The following TTYH1 variants were observed in gnomAD, a reference collection of about 807,000 sequenced individuals.
TTYH1 encodes tweety family member 1.
In TTYH1, 33 loss-of-function variants were observed where a neutral mutation model predicts 61.2. That is an observed-to-expected ratio of 0.54 (90% CI 0.41 to 0.72). The LOEUF (loss-of-function observed/expected upper bound fraction) is 0.72, where lower values mean the gene tolerates loss of function less well. TTYH1 is among the 30% of genes least tolerant of loss of function. TTYH1 has a pLI of 0.00. For synonymous variants in TTYH1, 308 were observed against 266.4 expected (o/e 1.16, Z -1.52); for missense variants, 538 against 575.8 (o/e 0.93, Z 0.67).
At position 54,429,096 on chromosome 19, in the gene TTYH1, C is replaced by G. The variant is rs1382269230; in HGVS notation, c.735-211C>G. Among the ~76,000 whole-genome samples the G allele has an allele frequency of 3.3e-5, 5 of 152,180 alleles. No individual in the cohort carries two copies. Among genetic ancestry groups the G allele is most frequent in the Admixed American group, 3.3e-4 (5 of 15,272 alleles). On this transcript the variant is annotated intron_variant, in intron 5 of 13. Coordinates refer to ENST00000376530, the MANE Select transcript of TTYH1 (RefSeq NM_020659.4). The surrounding 1 kb of genome is among the most constrained non-coding windows in gnomAD (Gnocchi z 5.1). Reference sequence around the variant, plus strand: ...CAGGGCCCTGCTCATACCCCACACCCTGCTCATCTGGGCAGGAGCCAGATG... The same window carrying G: ...CAGGGCCCTGCTCATACCCCACACCGTGCTCATCTGGGCAGGAGCCAGATG...
chr19:54,436,633 G>A lies in TTYH1; in HGVS notation c.*343G>A, dbSNP rs2083559161. On this transcript the variant is annotated 3_prime_UTR_variant, in exon 14 of 14. Transcript: ENST00000376530. This position sits in a 1 kb window ranked among gnomAD's most constrained non-coding sequence, Gnocchi z 4.3. Reference sequence around the variant, plus strand: ...CCCCTGCTGCCCCTGCCACATCCCAGTGGGCTCTGACCCCCTGATCTCAAC... The same window carrying A: ...CCCCTGCTGCCCCTGCCACATCCCAATGGGCTCTGACCCCCTGATCTCAAC... 8.8e-6 allele frequency: 5 copies of A among 571,166 alleles called. No homozygotes were observed. The East Asian group carries it at 1.4e-4, about 16-fold the overall frequency. 35.4% of individuals were successfully genotyped at this position (571,166 alleles called of 1,614,324 possible). A position where few individuals can be genotyped will look rare whatever the true frequency, so the allele number is the denominator to read the frequency against.
rs376196081 is a variant in TTYH1, at chr19:54,429,299, C to T, written c.735-8C>T. On this transcript the variant is annotated splice_polypyrimidine_tract_variant and splice_region_variant and intron_variant, in intron 5 of 13. Transcript: ENST00000376530. The surrounding 1 kb of genome is among the most constrained non-coding windows in gnomAD (Gnocchi z 5.1). ...AACCCCGGGCTGATCCTCCCTCCCC[C>T]ACTCTAGGATGACAGTCATGAGTCT... The T allele has an allele frequency of 6.2e-6, 10 of 1,613,808 alleles. No individual in the cohort carries two copies. The African/African-American group carries it at 9.3e-5, about 15-fold the overall frequency.
rs368801289 is a variant in TTYH1, at chr19:54,430,499, C to T, written c.884-51C>T. The T allele has an allele frequency of 4.1e-5, 66 of 1,597,524 alleles. No individual in the cohort carries two copies. The Admixed American group carries it at 5.0e-4, about 12-fold the overall frequency. ...AGTGCCCGGCCTTCCCCCGGGAGAT[C>T]CCTGGGGGCCCAGGCTCATGGCCTC... On this transcript the variant is annotated intron_variant, in intron 7 of 13. Coordinates refer to ENST00000376530, the MANE Select transcript of TTYH1 (RefSeq NM_020659.4).
rs1430021710 is a variant in TTYH1 at position 54,419,190 on chromosome 19, T to G, written c.189T>G (p.Ala63=). 1 of 1,612,976 alleles carries G rather than the reference T, an allele frequency of 6.2e-7. No homozygotes were observed. Among genetic ancestry groups the G allele is most frequent in the African/African-American group, 1.3e-5 (1 of 75,040 alleles). ...LGLGLSLIFI[A]VYLIRFCCCR... ...TGGGCCTGAGCCTCATTTTCATCGCTGTCTACCTCATCCGCTTCTGCTGCT... is the reference window on the plus strand; with the variant it reads ...TGGGCCTGAGCCTCATTTTCATCGCGGTCTACCTCATCCGCTTCTGCTGCT... Residue 63 remains alanine (A), a synonymous_variant, in exon 2 of 14, where the codon GCT becomes GCG. Coordinates refer to ENST00000376530, the MANE Select transcript of TTYH1 (RefSeq NM_020659.4). This position sits in a 1 kb window ranked among gnomAD's most constrained non-coding sequence, Gnocchi z 6.1.
chr19:54,420,169 C>T lies in TTYH1; in HGVS notation c.305+863C>T, dbSNP rs1401586788. Among the ~76,000 whole-genome samples, 1 of 152,206 alleles carries T rather than the reference C, an allele frequency of 6.6e-6. No homozygotes were observed. Among genetic ancestry groups the T allele is most frequent in the Non-Finnish European group, 1.5e-5 (1 of 68,042 alleles). Reference sequence around the variant, plus strand: ...AGCTACCAAGAACGAGCTCTGAGCACAGCCCCCTCCCCGGCAGGGCAGCAC... The same window carrying T: ...AGCTACCAAGAACGAGCTCTGAGCATAGCCCCCTCCCCGGCAGGGCAGCAC... On this transcript the variant is annotated intron_variant, in intron 2 of 13. Coordinates refer to ENST00000376530, the MANE Select transcript of TTYH1 (RefSeq NM_020659.4). This position sits in a 1 kb window ranked among gnomAD's most constrained non-coding sequence, Gnocchi z 4.8.
Position 54,436,258 on chromosome 19 carries a change from G to C in TTYH1, c.*43-75G>C. On this transcript the variant is annotated intron_variant, in intron 13 of 13. Transcript: ENST00000376530. This position sits in a 1 kb window ranked among gnomAD's most constrained non-coding sequence, Gnocchi z 4.3. ...GAGCTGCTCCAGGCATGGGCTGCGT[G>C]CCTCCTGCTGGGTGGATCGCACCGG... 6.2e-7 allele frequency: 1 copy of C among 1,608,556 alleles called. No individual in the cohort carries two copies. Among genetic ancestry groups the C allele is most frequent in the Non-Finnish European group, 8.5e-7 (1 of 1,175,412 alleles).
intron 5 of TTYH1, among the ~76,000 whole-genome samples, chr19:54,427,869 C>T (rs2083360189): frequency 6.6e-6 from 1 of 152,138 alleles, no homozygotes; most frequent in Admixed American, 6.6e-5. Context: ...CCTGGAGCAC[C>T]TCATGCCCCC....
At position 54,421,397 on chromosome 19, in the gene TTYH1, C is replaced by A. The variant is rs376844750; in HGVS notation, c.417+9C>A. Reference sequence around the variant, plus strand: ...GCACCATTGACCACCTGGTGAGGGGCCAGCAACCAGTGGGACCCCAGACCC... The same window carrying A: ...GCACCATTGACCACCTGGTGAGGGGACAGCAACCAGTGGGACCCCAGACCC... On this transcript the variant is annotated intron_variant, in intron 3 of 13. Coordinates refer to ENST00000376530, the MANE Select transcript of TTYH1 (RefSeq NM_020659.4). The surrounding 1 kb of genome is among the most constrained non-coding windows in gnomAD (Gnocchi z 4.8). 256 of 1,594,258 alleles carry A rather than the reference C, an allele frequency of 1.6e-4. No individual in the cohort carries two copies. In the African/African-American group the frequency reaches 3.1e-3, roughly 20 times the overall value.
At chr19:54,431,028 CG>C (rs375960303) in intron 9 of TTYH1, 70 bp from the exon 10 acceptor site, 3 of 1,431,400 alleles carry the variant, frequency 2.1e-6, no homozygotes, top group African/African-American at 3.6e-5. Flanking sequence ...TGGGCGGGGA[CG>C]CAGGGCGGGG....
Position 54,420,505 on chromosome 19 carries a change from C to T in TTYH1, c.306-772C>T, listed in dbSNP as rs973654883. 1.3e-5 allele frequency among the ~76,000 whole-genome samples: 2 copies of T among 151,452 alleles called. No homozygotes were observed. The highest frequency in any genetic ancestry group is 4.9e-5 in the African/African-American group (2 of 41,180). ...TGGAGGCCCAGCCGGGGCTGGGAAC[C>T]GGGAGGGTGTCAGGCTCCCGCCCCC... On this transcript the variant is annotated intron_variant, in intron 2 of 13. Coordinates refer to ENST00000376530, the MANE Select transcript of TTYH1 (RefSeq NM_020659.4). This position sits in a 1 kb window ranked among gnomAD's most constrained non-coding sequence, Gnocchi z 4.8.
chr19:54,416,229 G>A lies in TTYH1; in HGVS notation c.126+551G>A, dbSNP rs1168538294. On this transcript the variant is annotated intron_variant, in intron 1 of 13. Coordinates refer to ENST00000376530, the MANE Select transcript of TTYH1 (RefSeq NM_020659.4). The surrounding 1 kb of genome is among the most constrained non-coding windows in gnomAD (Gnocchi z 7.0). ...AGGGCTGGAAAATGAAGGGGCTCTGGGAGAGGAAGCTTCTTGCCCGTCCCA... is the reference window on the plus strand; with the variant it reads ...AGGGCTGGAAAATGAAGGGGCTCTGAGAGAGGAAGCTTCTTGCCCGTCCCA... 1.2e-5 allele frequency: 5 copies of A among 411,678 alleles called. No homozygotes were observed. The highest frequency in any genetic ancestry group is 1.1e-4 in the African/African-American group (5 of 47,464). The allele number at this position is 411,678 out of a possible 1,614,324, so 25.5% of individuals were successfully genotyped here.
chr19:54,435,504 G>C (rs1409896655), intron 10 of TTYH1, 38 bp from the exon 11 acceptor site: 3 of 1,557,246 alleles, frequency 1.9e-6, no homozygotes, highest in African/African-American at 1.4e-5. Flanking sequence ...ATGGGGGAGG[G>C]GGTGGGGACG....
In TTYH1 at chr19:54,430,911, TG is replaced by T. The variant is rs1437597083; in HGVS notation, c.1032+9del. On this transcript the variant is annotated splice_region_variant and intron_variant, in intron 9 of 13. Transcript: ENST00000376530. ...CTCAGTTCCCTTCAGCGCAGGTCGG[TG>T]GGTGGGCGCTCCCCAGACACGCGGA... 1 of 1,609,772 alleles carries T rather than the reference TG, an allele frequency of 6.2e-7. No homozygotes were observed. The highest frequency in any genetic ancestry group is 8.5e-7 in the Non-Finnish European group (1 of 1,179,462).
Position 54,436,117 on chromosome 19 carries a change from G to T in TTYH1, c.1341G>T (p.Gln447His), listed in dbSNP as rs1156431490. ...AATCCAAGCGCTTTGTGCAGTGGCA[G>T]TCGTCTATCTGAGCCCCTCCTCCCG... ...PQESKRFVQWQSSI is the reference protein window; with the variant it reads ...PQESKRFVQWHSSI Residue 447 changes from glutamine (Q) to histidine (H), a missense_variant, in exon 13 of 14, where the codon CAG (glutamine) becomes CAT (histidine). Physicochemically the swap from Gln to His is conservative, Grantham distance 24. Transcript: ENST00000376530. The surrounding 1 kb of genome is among the most constrained non-coding windows in gnomAD (Gnocchi z 4.3). The T allele has an allele frequency of 6.2e-7, 1 of 1,614,048 alleles. No homozygotes were observed. Among genetic ancestry groups the T allele is most frequent in the Non-Finnish European group, 8.5e-7 (1 of 1,180,022 alleles).
intron 10 of TTYH1, chr19:54,433,166 G>A (rs539086742): frequency 3.3e-5 from 5 of 152,208 alleles, no homozygotes; most frequent in Non-Finnish European, 7.3e-5. Context: ...GGAAGGAAGA[G>A]GACAGATCAC....
Position 54,435,555 on chromosome 19 carries a change from C to T in TTYH1, c.1139C>T (p.Ala380Val), listed in dbSNP as rs200999941. The change falls in exon 11 of 14, where the codon GCC becomes GTC. Residue 380 changes from alanine to valine, a missense_variant. Physicochemically the swap from Ala to Val is moderately conservative, Grantham distance 64 (BLOSUM62 0). Transcript: ENST00000376530. ...CCCTCCCCTCAGGACTATGGTGCAG[C>T]CCTGCGGGGCCTGTGCGAAGACGCC... ...CRSLHKDYGA[A>V]LRGLCEDALE... 3.2e-4 allele frequency: 511 copies of T among 1,603,608 alleles called. No homozygotes were observed. Among genetic ancestry groups the T allele is most frequent in the Non-Finnish European group, 4.1e-4 (485 of 1,177,136 alleles).
At position 54,436,648 on chromosome 19, in the gene TTYH1, CT is replaced by C; in HGVS notation, c.*359del. 2 of 538,528 alleles carry C rather than the reference CT, an allele frequency of 3.7e-6. No homozygotes were observed. The highest frequency in any genetic ancestry group is 6.6e-6 in the Non-Finnish European group (2 of 301,048). The allele number at this position is 538,528 out of a possible 1,614,324, so 33.4% of individuals were successfully genotyped here. A position where few individuals can be genotyped will look rare whatever the true frequency, so the allele number is the denominator to read the frequency against. On this transcript the variant is annotated 3_prime_UTR_variant, in exon 14 of 14. Transcript: ENST00000376530. This position sits in a 1 kb window ranked among gnomAD's most constrained non-coding sequence, Gnocchi z 4.3. ...CCACATCCCAGTGGGCTCTGACCCCCTGATCTCAACTCGTGGCACTAACTTG... is the reference window on the plus strand; with the variant it reads ...CCACATCCCAGTGGGCTCTGACCCCCGATCTCAACTCGTGGCACTAACTTG...
chr19:54,431,367 T>TCTAC, intron 10 of TTYH1, 176 bp downstream of exon 10: 1 of 589,976 alleles, frequency 1.7e-6, no homozygotes, highest in African/African-American at 1.9e-5. Context: ...TAACCTGTCG[T>TCTAC]CTACCTACCT....
Position 54,436,072 on chromosome 19 carries a change from A to T in TTYH1, c.1315-19A>T. On this transcript the variant is annotated intron_variant, in intron 12 of 13. Coordinates refer to ENST00000376530, the MANE Select transcript of TTYH1 (RefSeq NM_020659.4). The surrounding 1 kb of genome is among the most constrained non-coding windows in gnomAD (Gnocchi z 4.3). ...ACTCCATTCCCTCCTCTCCCCCGCT[A>T]CCCCGAATCTCCTAGCAGGAATCCA... 6.2e-7 allele frequency: 1 copy of T among 1,613,060 alleles called. No homozygotes were observed. Among genetic ancestry groups the T allele is most frequent in the Admixed American group, 1.7e-5 (1 of 59,968 alleles).
Sources: gnomAD v4.1 joint callset for allele counts (sites outside exome capture counted in the v4.1 genomes callset) on GRCh38, gnomAD v4.1.1 for gene constraint, Gnocchi (gnomAD v3.1) non-coding constraint, MANE v1.5 for transcripts, NCBI Gene and HGNC (gene_info 2026-07-23, HGNC 2026-07-21) for gene names.